The following SLC4A4 variants were observed in gnomAD, a reference collection of about 807,000 sequenced individuals.
SLC4A4 encodes electrogenic sodium bicarbonate cotransporter 1.
Under a neutral mutation model 111.5 loss-of-function variants are expected in SLC4A4, and 27 were observed. The ratio of observed to expected loss-of-function variants is 0.24; its 90% CI spans 0.18 to 0.33. The LOEUF is 0.33. Among genes scored for constraint, SLC4A4 ranks in the 10% least tolerant of loss-of-function variants. The pLI is 1.00. For synonymous variants in SLC4A4, 443 were observed against 463.4 expected, an observed-to-expected ratio of 0.96 and a Z score of 0.57; for missense variants, 909 against 1,315.5, an observed-to-expected ratio of 0.69 and a Z score of 4.78.
chr4:71,471,141 G>A (rs1420808133), intron 13 of SLC4A4, among the ~76,000 whole-genome samples: 1 of 151,974 alleles, frequency 6.6e-6, no homozygotes, highest in African/African-American at 2.4e-5. Context: ...TTGGTTGCAT[G>A]AGACATAGTT....
intron 3 of SLC4A4, among the ~76,000 whole-genome samples, chr4:71,301,413 G>A (rs966084990): frequency 1.3e-5 from 2 of 152,158 alleles, no homozygotes; most frequent in Non-Finnish European, 2.9e-5. Context: ...CCAGTCTGAC[G>A]GAGTTAGGAG....
chr4:71,427,293 ATGAATGTTAC>A (rs1411262733), intron 7 of SLC4A4, among the ~76,000 whole-genome samples: 1 of 152,106 alleles, frequency 6.6e-6, no homozygotes, highest in Non-Finnish European at 1.5e-5. Context: ...CAGTTAAGGC[ATGAATGTTAC>A]TGAATGCATG....
At chr4:71,425,530 G>T (rs34403196) in intron 7 of SLC4A4, among the ~76,000 whole-genome samples, 22,565 of 152,142 alleles carry the variant, frequency 0.15, 2,040 homozygotes, top group South Asian at 0.29. Context: ...CCAAGATTGA[G>T]GACATGCCTG....
At chr4:71,250,958 A>G (rs984467329) in intron 2 of SLC4A4, among the ~76,000 whole-genome samples, 14 of 152,320 alleles carry the variant, frequency 9.2e-5, no homozygotes, top group African/African-American at 3.1e-4. Context: ...GCAGGATTGC[A>G]TGAGGAGGTA....
chr4:71,346,345 G>A (rs1048160961), intron 4 of SLC4A4, among the ~76,000 whole-genome samples: 1 of 152,020 alleles, frequency 6.6e-6, no homozygotes, highest in African/African-American at 2.4e-5. Context: ...AAATTTTTCT[G>A]TAACATGTCA....
At chr4:71,460,587 A>C (rs1156700240) in intron 12 of SLC4A4, among the ~76,000 whole-genome samples, 1 of 152,142 alleles carries the variant, frequency 6.6e-6, no homozygotes, top group African/African-American at 2.4e-5. Context: ...GGTGGCAATA[A>C]GGATTTGGCA....
chr4:71,375,037 A>G (rs1306815204), intron 6 of SLC4A4, among the ~76,000 whole-genome samples: 5 of 152,100 alleles, frequency 3.3e-5, no homozygotes, highest in Non-Finnish European at 7.4e-5. Context: ...TGTTACCTCC[A>G]TATTGTTGCT....
At chr4:71,445,721 T>C (rs944757669) in intron 8 of SLC4A4, among the ~76,000 whole-genome samples, 13 of 152,196 alleles carry the variant, frequency 8.5e-5, no homozygotes, top group East Asian at 7.7e-4. Context: ...CCAGTACTTA[T>C]GTTTCTCAAT....
At position 71,088,768 on chromosome 4, in the gene SLC4A4, A is replaced by G. The variant is rs138153801; in HGVS notation, c.-64-3962A>G. On this transcript the variant is annotated intron_variant, in intron 1 of 26. Transcript: ENST00000649996. ...TCTGGCTTGTGAAGTTTCTGCCGAG[A>G]GATCAGCTGTTAGTCTGATGGGCTT... Among the ~76,000 whole-genome samples the G allele has an allele frequency of 3.4e-3, 524 of 152,158 alleles. 10 individuals are homozygous for G. The highest frequency in any genetic ancestry group is 0.012 in the African/African-American group (504 of 41,424).
At chr4:71,396,801 C>T (rs749328886) in intron 6 of SLC4A4, among the ~76,000 whole-genome samples, 4 of 152,090 alleles carry the variant, frequency 2.6e-5, no homozygotes, top group Admixed American at 6.6e-5. Flanking sequence ...GATGGATCAC[C>T]GGTGAACCAT....
chr4:71,229,143 A>T (rs1719234982), intron 1 of SLC4A4, among the ~76,000 whole-genome samples: 1 of 152,146 alleles, frequency 6.6e-6, no homozygotes, highest in Non-Finnish European at 1.5e-5. Context: ...CTCCATATAA[A>T]TTGTATAATG....
chr4:71,412,291 T>C (rs1452520863), intron 7 of SLC4A4, among the ~76,000 whole-genome samples: 3 of 152,216 alleles, frequency 2.0e-5, no homozygotes, highest in Non-Finnish European at 4.4e-5. Context: ...TGAGGAGATG[T>C]AGTTATGGTA....
Position 71,339,461 on chromosome 4 carries a change from G to T in SLC4A4, c.345G>T (p.Leu115=). 1 of 1,614,094 alleles carries T rather than the reference G, an allele frequency of 6.2e-7. No homozygotes were observed. The highest frequency in any genetic ancestry group is 8.5e-7 in the Non-Finnish European group (1 of 1,180,042). ...AGCTCTTCACGGAACTGGATGAGCT[G>T]CTGGCCGTGGATGGGCAGGAGATGG... ...PPQLFTELDE[L]LAVDGQEMEW... The change falls in exon 4 of 26, where the codon CTG becomes CTT. Residue 115 remains leucine, a synonymous_variant. Coordinates refer to ENST00000264485, the MANE Select transcript of SLC4A4 (RefSeq NM_001098484.3).
chr4:71,516,496 A>G (rs1369523860), intron 16 of SLC4A4, among the ~76,000 whole-genome samples: 1 of 152,168 alleles, frequency 6.6e-6, no homozygotes, highest in Non-Finnish European at 1.5e-5. Flanking sequence ...GTGCCCTGCC[A>G]TAGCTGCTCA....
chr4:71,271,909 G>A (rs1483919583), intron 3 of SLC4A4, among the ~76,000 whole-genome samples: 2 of 152,058 alleles, frequency 1.3e-5, no homozygotes, highest in Non-Finnish European at 2.9e-5. Flanking sequence ...ATCTTTTAAA[G>A]GTATCATTGT....
chr4:71,099,556 C>A (rs903759744), intron 2 of SLC4A4, among the ~76,000 whole-genome samples: 2 of 151,810 alleles, frequency 1.3e-5, no homozygotes, highest in African/African-American at 4.8e-5. Flanking sequence ...GCAAACCAAC[C>A]CCAATGCTAG....
At chr4:71,385,658 G>A (rs1718647517) in intron 6 of SLC4A4, among the ~76,000 whole-genome samples, 1 of 152,062 alleles carries the variant, frequency 6.6e-6, no homozygotes, top group Admixed American at 6.6e-5. Context: ...TTTCTTTTGG[G>A]TAGTTTTTCT....
chr4:71,244,773 C>T (rs1449025314), intron 2 of SLC4A4, among the ~76,000 whole-genome samples: 2 of 146,016 alleles, frequency 1.4e-5, no homozygotes. Context: ...ATGGACCATG[C>T]TTTTTTTTTT....
intron 6 of SLC4A4, among the ~76,000 whole-genome samples, chr4:71,357,984 G>T (rs1476599671): frequency 6.6e-6 from 1 of 152,126 alleles, no homozygotes; most frequent in African/African-American, 2.4e-5. Context: ...ATAGGATTAG[G>T]TCTATCCTCC....
Sources: gnomAD v4.1 joint callset for allele counts (sites outside exome capture counted in the v4.1 genomes callset) on GRCh38, gnomAD v4.1.1 for gene constraint, MANE v1.5 for transcripts, NCBI Gene and HGNC (gene_info 2026-07-23, HGNC 2026-07-21) for gene names.